Variants in CNTN6 observed in about 807,000 individuals in gnomAD.
The protein encoded by CNTN6 is contactin 6, also known as contactin-6.
A neutral mutation model predicts 122.8 loss-of-function variants in CNTN6; 137 were observed. The ratio of observed to expected loss-of-function variants is 1.12; its 90% confidence interval spans 0.97 to 1.29. The LOEUF is 1.29. Among genes scored for constraint, CNTN6 ranks in the 50% most tolerant of loss-of-function variants. The pLI, the probability that CNTN6 is intolerant of heterozygous loss-of-function variation, is 0.00. For missense variants in CNTN6, 1,634 were observed against 1,223.4 expected (o/e 1.34, Z -5.01); for synonymous variants, 570 against 426.0 (o/e 1.34, Z -4.16).
At chr3:1,342,477 G>T (rs1423635947) in intron 11 of CNTN6, among the ~76,000 whole-genome samples, 2 of 152,006 alleles carry the variant, frequency 1.3e-5, no homozygotes, top group African/African-American at 4.8e-5. Flanking sequence ...ATAGCAAATT[G>T]GATTTATTTG....
At chr3:1,097,513 G>A (rs1291702732) in intron 1 of CNTN6, among the ~76,000 whole-genome samples, 1 of 152,170 alleles carries the variant, frequency 6.6e-6, no homozygotes, top group Non-Finnish European at 1.5e-5. Flanking sequence ...CAATTTCTCA[G>A]TGTCAATAAA....
At chr3:1,149,366 T>C (rs2092790453) in intron 2 of CNTN6, among the ~76,000 whole-genome samples, 1 of 152,142 alleles carries the variant, frequency 6.6e-6, no homozygotes, top group African/African-American at 2.4e-5. Context: ...CACGTACTTA[T>C]AACAAAGCAG....
In CNTN6 at chr3:1,337,471, C is replaced by G. The variant is rs1703238140; in HGVS notation, c.1364+7536C>G. On this transcript the variant is annotated intron_variant, in intron 11 of 22. Coordinates refer to ENST00000446702, the MANE Select transcript of CNTN6 (RefSeq NM_001289080.2). ...CAAGACAACATTAACCATTATATAG[C>G]AACTGCAAAGCAGGCTTCTCTACCC... is the stretch of plus-strand genomic sequence containing the variant. Among the ~76,000 whole-genome samples, 3 of 152,278 alleles carry G rather than the reference C, an allele frequency of 2.0e-5. No homozygotes were observed. The South Asian group carries it at 6.2e-4, about 32-fold the overall frequency.
rs189966379 is a variant in CNTN6 at position 1,219,369 on chromosome 3, G to T, written c.56-1318G>T. Among the ~76,000 whole-genome samples the T allele has an allele frequency of 3.3e-5, 5 of 152,278 alleles. No individual in the cohort carries two copies. In the East Asian group the frequency reaches 9.6e-4, roughly 29 times the overall value. On this transcript the variant is annotated intron_variant, in intron 2 of 22. Transcript: ENST00000446702. ...ATGAAAGTGGTTTATTACCTCCAATGGTGTATCCAGTGAAGGAGGAGAGGA... is the reference window on the plus strand; with the variant it reads ...ATGAAAGTGGTTTATTACCTCCAATTGTGTATCCAGTGAAGGAGGAGAGGA...
In CNTN6 at chr3:1,323,850, T is replaced by A. The variant is rs532433295; in HGVS notation, c.947-1965T>A. ...TAGTTTTAAATTTAAAACTTTGCTC[T>A]CCAGAATTTTAATCATCCAAAGAAT... On this transcript the variant is annotated intron_variant, in intron 8 of 22. Transcript: ENST00000446702. 9.2e-5 allele frequency among the ~76,000 whole-genome samples: 14 copies of A among 151,856 alleles called. No individual in the cohort carries two copies. The South Asian group carries it at 2.9e-3, about 31-fold the overall frequency.
At chr3:1,344,756 G>T (rs1368895571) in intron 11 of CNTN6, among the ~76,000 whole-genome samples, 1 of 152,146 alleles carries the variant, frequency 6.6e-6, no homozygotes, top group Non-Finnish European at 1.5e-5. Context: ...TAAAAGAGAT[G>T]AATATAATAT....
intron 7 of CNTN6, among the ~76,000 whole-genome samples, chr3:1,311,061 T>G (rs537102836): frequency 6.6e-6 from 1 of 152,034 alleles, no homozygotes. Flanking sequence ...GCAAGGAGAT[T>G]AGGAAGAGTT....
intron 7 of CNTN6, among the ~76,000 whole-genome samples, chr3:1,319,376 C>T (rs906512681): frequency 2.0e-5 from 3 of 151,556 alleles, no homozygotes; most frequent in East Asian, 2.0e-4. Flanking sequence ...ATTATATGTA[C>T]GTATTGTACA....
intron 11 of CNTN6, among the ~76,000 whole-genome samples, chr3:1,348,763 C>A (rs879829217): frequency 6.6e-6 from 1 of 151,906 alleles, no homozygotes; most frequent in Non-Finnish European, 1.5e-5. Flanking sequence ...TAGTGGGTAC[C>A]TTGAGTCACT....
chr3:1,162,909 G>A (rs929743621), intron 2 of CNTN6, among the ~76,000 whole-genome samples: 3 of 152,154 alleles, frequency 2.0e-5, no homozygotes, highest in Non-Finnish European at 4.4e-5. Context: ...CACTCCAAAT[G>A]AGAAATGTGG....
At position 1,202,297 on chromosome 3, in the gene CNTN6, T is replaced by C. The variant is rs1434572603; in HGVS notation, c.56-18390T>C. On this transcript the variant is annotated intron_variant, in intron 2 of 22. Transcript: ENST00000446702. Reference sequence around the variant, plus strand: ...GGCTCACGCCTGTAATCCCAGCACTTCGGAAGGCCGAGGCGGGCGGATCAC... The same window carrying C: ...GGCTCACGCCTGTAATCCCAGCACTCCGGAAGGCCGAGGCGGGCGGATCAC... 3.3e-5 allele frequency among the ~76,000 whole-genome samples: 5 copies of C among 152,326 alleles called. No homozygotes were observed. In the East Asian group the frequency reaches 5.8e-4, roughly 18 times the overall value.
intron 2 of CNTN6, among the ~76,000 whole-genome samples, chr3:1,212,800 T>C (rs1448629822): frequency 6.6e-6 from 1 of 152,168 alleles, no homozygotes; most frequent in South Asian, 2.1e-4. Flanking sequence ...AGACTTGCTG[T>C]TATTTCATCA....
chr3:1,196,633 C>G (rs2093782541), intron 2 of CNTN6, among the ~76,000 whole-genome samples: 1 of 151,936 alleles, frequency 6.6e-6, no homozygotes. Flanking sequence ...CATAGGCCCT[C>G]GAAAGATATT....
chr3:1,160,839 T>C (rs921684968), intron 2 of CNTN6, among the ~76,000 whole-genome samples: 2 of 152,064 alleles, frequency 1.3e-5, no homozygotes, highest in African/African-American at 4.8e-5. Flanking sequence ...AGCTGAGTGT[T>C]AGTTTCAGGA....
intron 4 of CNTN6, among the ~76,000 whole-genome samples, chr3:1,266,949 CTT>C (rs1036704755): frequency 0.022 from 1,990 of 90,386 alleles, 30 homozygotes; most frequent in African/African-American, 0.085. Context: ...CAGCCTGGCC[CTT>C]TTTTTTTTTT....
intron 2 of CNTN6, among the ~76,000 whole-genome samples, chr3:1,182,976 T>G (rs953825395): frequency 6.6e-5 from 10 of 152,118 alleles, no homozygotes; most frequent in African/African-American, 9.7e-5. Flanking sequence ...GATTATTGTT[T>G]AAAAAAATTT....
chr3:1,113,745 A>C (rs1289306017), intron 1 of CNTN6, among the ~76,000 whole-genome samples: 2 of 152,164 alleles, frequency 1.3e-5, no homozygotes, highest in Non-Finnish European at 2.9e-5. Flanking sequence ...ATAGAATTCT[A>C]GTTTTAACTG....
intron 12 of CNTN6, among the ~76,000 whole-genome samples, chr3:1,354,028 A>G (rs1706123535): frequency 6.6e-6 from 1 of 151,472 alleles, no homozygotes; most frequent in South Asian, 2.1e-4. Context: ...TTAATGGTAG[A>G]TTGAACTGAA....
At chr3:1,386,917 T>C (rs1027493947) in intron 20 of CNTN6, among the ~76,000 whole-genome samples, 1 of 152,274 alleles carries the variant, frequency 6.6e-6, no homozygotes, top group African/African-American at 2.4e-5. Context: ...TATATGCGTA[T>C]ATTTGTCATG....
Sources: gnomAD v4.1 joint callset for allele counts (sites outside exome capture counted in the v4.1 genomes callset) on GRCh38, gnomAD v4.1.1 for gene constraint, MANE v1.5 for transcripts, NCBI Gene and HGNC (gene_info 2026-07-23, HGNC 2026-07-21) for gene names.